The following FBXL2 variants were observed in gnomAD, a reference collection of about 807,000 sequenced individuals.
FBXL2 encodes the protein F-box and leucine rich repeat protein 2.
FBXL2 carries 38 observed loss-of-function variants against 69.2 expected under a neutral mutation model. The ratio of observed to expected loss-of-function variants is 0.55; its 90% CI spans 0.42 to 0.72. The LOEUF (loss-of-function observed/expected upper bound fraction) is 0.72, where lower values mean the gene tolerates loss of function less well. FBXL2 is among the 30% of genes least tolerant of loss of function. The pLI, the probability that FBXL2 is intolerant of heterozygous loss-of-function variation, is 0.00. For synonymous variants in FBXL2, 192 were observed against 201.3 expected, an observed-to-expected ratio of 0.95 and a Z score of 0.39; for missense variants, 354 against 520.3, an observed-to-expected ratio of 0.68 and a Z score of 3.11.
intron 5 of FBXL2, among the ~76,000 whole-genome samples, chr3:33,366,212 A>G (rs984798338): frequency 3.3e-5 from 5 of 152,160 alleles, no homozygotes; most frequent in African/African-American, 1.2e-4. Context: ...TATTTTATAT[A>G]TTATTGGATC....
intron 2 of FBXL2, among the ~76,000 whole-genome samples, chr3:33,313,458 G>A (rs779531444): frequency 5.3e-5 from 8 of 151,974 alleles, no homozygotes; most frequent in Non-Finnish European, 1.2e-4. Context: ...TTGCTTGTTT[G>A]TTTAGAGAAT....
chr3:33,371,521 T>G (rs2042305746), intron 5 of FBXL2, among the ~76,000 whole-genome samples: 1 of 152,120 alleles, frequency 6.6e-6, no homozygotes, highest in Non-Finnish European at 1.5e-5. Context: ...TCCATGTGTC[T>G]ACATAACATG....
chr3:33,351,222 G>A (rs771370590), intron 2 of FBXL2, among the ~76,000 whole-genome samples: 26 of 151,900 alleles, frequency 1.7e-4, no homozygotes, highest in Non-Finnish European at 2.9e-4. Flanking sequence ...CCAAGATTGC[G>A]CCACTGCACT....
chr3:33,404,115 AAAAT>A (rs1209021238), downstream of FBXL2, among the ~76,000 whole-genome samples: 2 of 152,132 alleles, frequency 1.3e-5, no homozygotes, highest in African/African-American at 2.4e-5. Flanking sequence ...TAAAAACAAT[AAAAT>A]AAATATAATG....
At chr3:33,418,538 C>A in the FBXL2 span, among the ~76,000 whole-genome samples, 1 of 151,792 alleles carries the variant, frequency 6.6e-6, no homozygotes, top group African/African-American at 2.4e-5. Flanking sequence ...GGATTACAGG[C>A]GTGAGCCACC....
At chr3:33,324,758 G>T (rs142914489) in intron 2 of FBXL2, among the ~76,000 whole-genome samples, 13,977 of 151,996 alleles carry the variant, frequency 0.092, 669 homozygotes, top group Admixed American at 0.1. Flanking sequence ...CTTTGTTCTT[G>T]TTGCTTAGGA....
intron 12 of FBXL2, among the ~76,000 whole-genome samples, chr3:33,394,916 T>C (rs1239131329): frequency 1.3e-5 from 2 of 151,682 alleles, no homozygotes; most frequent in African/African-American, 4.8e-5. Flanking sequence ...ATCACAGAGT[T>C]GAATGTGAGA....
the FBXL2 span, among the ~76,000 whole-genome samples, chr3:33,418,951 C>A: frequency 1.3e-5 from 2 of 149,590 alleles, no homozygotes; most frequent in African/African-American, 4.9e-5. Flanking sequence ...TGTGGGTTCA[C>A]AAAAGGAAAT....
intron 2 of FBXL2, among the ~76,000 whole-genome samples, chr3:33,342,751 A>T (rs2040141711): frequency 1.4e-5 from 1 of 71,530 alleles, no homozygotes; most frequent in Non-Finnish European, 2.3e-5. Context: ...TTTGAGACAG[A>T]GTCTCGCTCT....
At chr3:33,373,755 A>G in intron 8 of FBXL2, 51 bp downstream of exon 8, 1 of 1,613,984 alleles carries the variant, frequency 6.2e-7, no homozygotes, top group South Asian at 1.1e-5. Flanking sequence ...GTGTGGGCAC[A>G]TCATCCAGAA....
rs763499118 is a variant in FBXL2 at position 33,297,868 on chromosome 3, G to A, written c.65+143G>A. On this transcript the variant is annotated intron_variant, in intron 2 of 14. Transcript: ENST00000484457. ...ACTGACTTTTTGTTTTTGTTTTATAGAATGCTGTTCAGCTTGTTGTTAAAT... is the reference window on the plus strand; with the variant it reads ...ACTGACTTTTTGTTTTTGTTTTATAAAATGCTGTTCAGCTTGTTGTTAAAT... The A allele has an allele frequency of 2.5e-5, 17 of 680,422 alleles. No homozygotes were observed. The African/African-American group carries it at 2.9e-4, about 11-fold the overall frequency. 42.1% of individuals were successfully genotyped at this position (680,422 alleles called of 1,614,324 possible).
At chr3:33,283,066 C>G (rs1230648739) in intron 1 of FBXL2, among the ~76,000 whole-genome samples, 4 of 152,100 alleles carry the variant, frequency 2.6e-5, no homozygotes, top group Non-Finnish European at 5.9e-5. Context: ...TTGCCCTGGC[C>G]AGAACTTTCA....
chr3:33,399,439 G>A (rs1402131360), intron 12 of FBXL2, among the ~76,000 whole-genome samples: 1 of 152,026 alleles, frequency 6.6e-6, no homozygotes, highest in African/African-American at 2.4e-5. Context: ...TATAAAAACT[G>A]TAATTGAGTA....
At chr3:33,330,035 C>G (rs921566740) in intron 2 of FBXL2, among the ~76,000 whole-genome samples, 4 of 152,132 alleles carry the variant, frequency 2.6e-5, no homozygotes, top group African/African-American at 9.7e-5. Flanking sequence ...ATAATCCCAG[C>G]ACTTTGGGAG....
At chr3:33,298,199 T>C (rs1039163894) in intron 2 of FBXL2, among the ~76,000 whole-genome samples, 8 of 152,212 alleles carry the variant, frequency 5.3e-5, no homozygotes, top group African/African-American at 1.9e-4. Flanking sequence ...TTTTTATTCA[T>C]ATGAGAAGTA....
downstream of FBXL2, chr3:33,388,653 C>A (rs1294932646): frequency 6.6e-6 from 1 of 152,190 alleles, no homozygotes; most frequent in Non-Finnish European, 1.5e-5. Context: ...AAACTCACTT[C>A]TTTCCCCAGT....
downstream of FBXL2, chr3:33,390,529 C>T (rs551098192): frequency 4.1e-6 from 3 of 739,190 alleles, no homozygotes; most frequent in Non-Finnish European, 6.7e-6. Flanking sequence ...AGCTCCTCTT[C>T]CCCCAAAAAA....
At chr3:33,379,011 CT>C (rs879577468) in intron 13 of FBXL2, among the ~76,000 whole-genome samples, 529 of 144,278 alleles carry the variant, frequency 3.7e-3, no homozygotes, top group Middle Eastern at 7.2e-3. Context: ...GAATGAACAT[CT>C]TTTTTTTTTT....
chr3:33,413,378 T>A, the FBXL2 span, among the ~76,000 whole-genome samples: 1 of 151,190 alleles, frequency 6.6e-6, no homozygotes, highest in Admixed American at 6.6e-5. Context: ...AAACCCCATC[T>A]CTACAAAAAA....
Sources: allele counts gnomAD v4.1 joint callset (sites outside exome capture counted in the v4.1 genomes callset), GRCh38; gene constraint gnomAD v4.1.1; transcripts MANE v1.5; gene names NCBI Gene and HGNC (gene_info 2026-07-23, HGNC 2026-07-21).